KCNH7: variants seen among roughly 807,000 people sequenced by gnomAD.
KCNH7 encodes voltage-gated inwardly rectifying potassium channel KCNH7.
KCNH7 carries 49 observed loss-of-function variants against 120.8 expected under a neutral mutation model. That is an observed-to-expected ratio of 0.41 (90% confidence interval 0.32 to 0.51). The LOEUF is 0.51. Ranked by LOEUF, KCNH7 falls within the 20% of genes least tolerant of loss-of-function variation. The pLI is 0.38. For synonymous variants in KCNH7, 547 were observed against 516.1 expected, an observed-to-expected ratio of 1.06 and a Z score of -0.81; for missense variants, 1,097 against 1,446.6, an observed-to-expected ratio of 0.76 and a Z score of 3.92.
At chr2:162,754,301 A>C (rs1488215615) in intron 2 of KCNH7, among the ~76,000 whole-genome samples, 1 of 152,158 alleles carries the variant, frequency 6.6e-6, no homozygotes, top group Non-Finnish European at 1.5e-5. Flanking sequence ...GGAAAAATGG[A>C]AAGAGAACGA....
rs770515372 is a variant in KCNH7 at position 162,634,531 on chromosome 2, G to A, written c.308-97451C>T. 1.6e-4 allele frequency among the ~76,000 whole-genome samples: 25 copies of A among 152,194 alleles called. No individual in the cohort carries two copies. In the Middle Eastern group the frequency reaches 0.017, roughly 104 times the overall value. ...AATTTACTGCCTTTTATGTGTAAGTGTTGCAGCAGGAACTAAGAATATTGC... is the reference window on the plus strand; with the variant it reads ...AATTTACTGCCTTTTATGTGTAAGTATTGCAGCAGGAACTAAGAATATTGC... On this transcript the variant is annotated intron_variant, in intron 2 of 15. Transcript: ENST00000332142.
At position 162,517,981 on chromosome 2, in the gene KCNH7, TCTG is replaced by T. The variant is rs1558990452; in HGVS notation, c.638_640del (p.Ala213del). 6.2e-7 allele frequency: 1 copy of T among 1,612,540 alleles called. No individual in the cohort carries two copies. Among genetic ancestry groups the T allele is most frequent in the Non-Finnish European group, 8.5e-7 (1 of 1,178,928 alleles). On this transcript the variant is annotated inframe_deletion, in exon 4 of 16. Coordinates refer to ENST00000332142, the MANE Select transcript of KCNH7 (RefSeq NM_033272.4). ...GGGCTGTATCAAAGCTTTTGTGTCA[TCTG>T]CTTCAGAGGGGCTGCAGCTTTCTTT...
chr2:162,744,494 T>G (rs895292372), intron 2 of KCNH7, among the ~76,000 whole-genome samples: 2 of 151,572 alleles, frequency 1.3e-5, no homozygotes, highest in African/African-American at 4.8e-5. Context: ...CACCTAGTTC[T>G]CAAAACCACA....
chr2:162,400,297 G>C lies in KCNH7; in HGVS notation c.2299C>G (p.Pro767Ala). The change falls in exon 10 of 16, where the codon CCT (proline) becomes GCT (alanine). Residue 767 changes from proline to alanine, a missense_variant. Around this residue, in one of 8 missense-constraint regions of KCNH7, gnomAD observed 101 missense variants for 176.3 expected, o/e 0.57. Transcript: ENST00000332142. ...LAMKFKTTHA[P>A]PGDTLVHCGD... The stretch of plus-strand genomic sequence containing the variant: ...CAGTGAACGAGGGTGTCTCCTGGAG[G>C]TGCATGGGTGGTTTTGAACTTCATT... 6.2e-7 allele frequency: 1 copy of C among 1,612,488 alleles called. No homozygotes were observed. The highest frequency in any genetic ancestry group is 8.5e-7 in the Non-Finnish European group (1 of 1,179,034).
chr2:162,586,000 A>G (rs1694009162), intron 2 of KCNH7, among the ~76,000 whole-genome samples: 1 of 152,102 alleles, frequency 6.6e-6, no homozygotes, highest in African/African-American at 2.4e-5. Context: ...CTTTTAAAAA[A>G]ATTAAATTTT....
At chr2:162,681,620 CA>C (rs547619342) in intron 2 of KCNH7, among the ~76,000 whole-genome samples, 8 of 150,990 alleles carry the variant, frequency 5.3e-5, no homozygotes, top group Non-Finnish European at 8.9e-5. Flanking sequence ...GAATTTGGAC[CA>C]AAAAAAATCA....
intron 2 of KCNH7, among the ~76,000 whole-genome samples, chr2:162,720,392 AG>A (rs1204883037): frequency 6.6e-6 from 1 of 151,652 alleles, no homozygotes; most frequent in Admixed American, 6.6e-5. Flanking sequence ...TGATGTGAGA[AG>A]TTAAATGGAT....
At chr2:162,818,791 G>T (rs191014955) in intron 2 of KCNH7, among the ~76,000 whole-genome samples, 2 of 152,076 alleles carry the variant, frequency 1.3e-5, no homozygotes, top group East Asian at 3.9e-4. Context: ...TATTTACAGG[G>T]TATTGTTAAA....
chr2:162,615,570 C>T (rs909156441), intron 2 of KCNH7, among the ~76,000 whole-genome samples: 1 of 152,132 alleles, frequency 6.6e-6, no homozygotes, highest in African/African-American at 2.4e-5. Context: ...GCAAGTCATA[C>T]ACTTGTCTTA....
intron 2 of KCNH7, among the ~76,000 whole-genome samples, chr2:162,540,641 G>A (rs960292285): frequency 6.6e-5 from 10 of 152,042 alleles, no homozygotes; most frequent in African/African-American, 1.9e-4. Context: ...TGTGGGACAG[G>A]GCAAGGTGGG....
Position 162,836,632 on chromosome 2 carries a change from C to T in KCNH7, c.212G>A (p.Gly71Glu), listed in dbSNP as rs868365205. The T allele has an allele frequency of 1.2e-6, 2 of 1,614,008 alleles. No individual in the cohort carries two copies. The highest frequency in any genetic ancestry group is 1.7e-6 in the Non-Finnish European group (2 of 1,180,048). The change falls in exon 2 of 16, where the codon GGA (glycine) becomes GAA (glutamate). Residue 71 changes from glycine (G) to glutamate (E), a missense_variant. Coordinates refer to ENST00000332142, the MANE Select transcript of KCNH7 (RefSeq NM_033272.4). The stretch of plus-strand genomic sequence containing the variant: ...AATATCATGCCTCTTGGTCTCGGGT[C>T]CATGGAGAAAGTCGCAGGTGCATGG... ...QKPCTCDFLHGPETKRHDIAQ... is the reference protein window; with the variant it reads ...QKPCTCDFLHEPETKRHDIAQ...
intron 2 of KCNH7, among the ~76,000 whole-genome samples, chr2:162,539,287 A>G (rs1002552091): frequency 7.2e-5 from 11 of 152,138 alleles, no homozygotes; most frequent in Admixed American, 3.3e-4. Context: ...ACCAAAATAC[A>G]TATTGATTTT....
At chr2:162,645,149 T>A (rs1007343253) in intron 2 of KCNH7, among the ~76,000 whole-genome samples, 9 of 152,052 alleles carry the variant, frequency 5.9e-5, no homozygotes, top group Non-Finnish European at 1.3e-4. Context: ...GAGTTTATAT[T>A]TATTGAAGCA....
chr2:162,395,901 T>C (rs758913442), intron 11 of KCNH7, among the ~76,000 whole-genome samples: 7 of 151,746 alleles, frequency 4.6e-5, no homozygotes, highest in East Asian at 1.9e-4. Context: ...CCAGAGAATA[T>C]ATTACTTAGC....
intron 2 of KCNH7, among the ~76,000 whole-genome samples, chr2:162,642,415 C>A (rs775352698): frequency 6.6e-6 from 1 of 152,118 alleles, no homozygotes; most frequent in Non-Finnish European, 1.5e-5. Flanking sequence ...GTCTCTGAAT[C>A]TTGTCTCTGT....
intron 8 of KCNH7, among the ~76,000 whole-genome samples, chr2:162,426,623 G>C (rs1427618495): frequency 2.0e-5 from 3 of 152,032 alleles, no homozygotes; most frequent in Non-Finnish European, 4.4e-5. Context: ...TAATATATTT[G>C]GTTGGTCAGA....
intron 6 of KCNH7, among the ~76,000 whole-genome samples, chr2:162,446,791 T>G (rs968676172): frequency 2.6e-5 from 4 of 152,072 alleles, no homozygotes; most frequent in East Asian, 3.8e-4. Flanking sequence ...ACAAAGTTGG[T>G]TTTGATATAT....
At chr2:162,782,193 C>A (rs1201801479) in intron 2 of KCNH7, among the ~76,000 whole-genome samples, 1 of 152,154 alleles carries the variant, frequency 6.6e-6, no homozygotes, top group Admixed American at 6.6e-5. Context: ...AGATGAAATT[C>A]TCTCTGCTTA....
intron 1 of KCNH7, among the ~76,000 whole-genome samples, chr2:162,837,472 G>A (rs979117625): frequency 1.6e-4 from 25 of 152,074 alleles, no homozygotes; most frequent in African/African-American, 5.8e-4. Context: ...TTAATATAAA[G>A]AGCTTATTAA....
Sources: allele counts gnomAD v4.1 joint callset (sites outside exome capture counted in the v4.1 genomes callset), GRCh38; gene constraint gnomAD v4.1.1; regional missense constraint gnomAD v4.1.1; transcripts MANE v1.5; gene names NCBI Gene and HGNC (gene_info 2026-07-23, HGNC 2026-07-21).